CD37: variants seen among roughly 807,000 people sequenced by gnomAD.
The protein encoded by CD37 is leukocyte antigen CD37.
A neutral mutation model predicts 38.9 loss-of-function variants in CD37; 37 were observed. The observed-to-expected ratio is 0.95, with a 90% CI of 0.73 to 1.25. The LOEUF (loss-of-function observed/expected upper bound fraction) is 1.25. Among genes scored for constraint, CD37 ranks in the 50% most tolerant of loss-of-function variants. The pLI is 0.00. For missense variants in CD37, 351 were observed against 360.1 expected (o/e 0.97, Z 0.20); for synonymous variants, 146 against 150.1 (o/e 0.97, Z 0.20).
In CD37 at chr19:49,340,256, G is replaced by A; in HGVS notation, c.774G>A (p.Gly258=). Residue 258 remains glycine, a synonymous_variant, in exon 8 of 8, where the codon GGG becomes GGA. Transcript: ENST00000323906. ...CTCATCTCCTTTCTCTATAGCTCGGGTTCATGACGCTCTCGATATTCCTGT... is the reference window on the plus strand; with the variant it reads ...CTCATCTCCTTTCTCTATAGCTCGGATTCATGACGCTCTCGATATTCCTGT... ...ICLGVGLLEL[G]FMTLSIFLCR... 1 of 1,613,318 alleles carries A rather than the reference G, an allele frequency of 6.2e-7. No individual in the cohort carries two copies. Among genetic ancestry groups the A allele is most frequent in the Admixed American group, 1.7e-5 (1 of 60,000 alleles).
Position 49,340,309 on chromosome 19 carries a change from G to A in CD37, c.827G>A (p.Arg276Gln), listed in dbSNP as rs200341521. The change falls in exon 8 of 8, where the codon CGG becomes CAG. Residue 276 changes from arginine to glutamine, a missense_variant. Transcript: ENST00000323906. Reference protein sequence around the residue: ...LCRNLDHVYNRLARYR With the variant: ...LCRNLDHVYNQLARYR ...AGAAACCTGGACCACGTCTACAACC[G>A]GCTCGCTCGATACCGTTAGGCCCCG... The A allele has an allele frequency of 9.7e-5, 157 of 1,613,488 alleles. No individual in the cohort carries two copies. In the Middle Eastern group the frequency reaches 9.9e-4, roughly 10 times the overall value.
intron 4 of CD37, among the ~76,000 whole-genome samples, 200 bp downstream of exon 4, chr19:49,337,421 G>GT (rs2146211077): frequency 6.6e-6 from 1 of 152,210 alleles, no homozygotes; most frequent in Non-Finnish European, 1.5e-5. Context: ...GAGTCCAGGA[G>GT]TTTGAGACCA....
Position 49,338,248 on chromosome 19 carries a change from C to T in CD37, c.447+219C>T. On this transcript the variant is annotated intron_variant, in intron 5 of 7. Coordinates refer to ENST00000323906, the MANE Select transcript of CD37 (RefSeq NM_001774.3). The surrounding 1 kb of genome is among the most constrained non-coding windows in gnomAD (Gnocchi z 5.0). ...ACCCTGGCGTGGCTTCGCCATCTAC[C>T]TCGAGAGACTCCGCCCCCGCCCCCG... 7.3e-7 allele frequency: 1 copy of T among 1,364,084 alleles called. No homozygotes were observed. Among genetic ancestry groups the T allele is most frequent in the Non-Finnish European group, 9.6e-7 (1 of 1,039,070 alleles). 84.5% of individuals were successfully genotyped at this position (1,364,084 alleles called of 1,614,324 possible).
At chr19:49,337,795 G>C (rs1172680624) in intron 4 of CD37, 130 bp from the exon 5 acceptor site, 2 of 1,551,272 alleles carry the variant, frequency 1.3e-6, no homozygotes. Context: ...GAAGTACACA[G>C]AGCTAGCCAT....
chr19:49,339,907 G>A lies in CD37; in HGVS notation c.769-344G>A, dbSNP rs1199087939. On this transcript the variant is annotated intron_variant, in intron 7 of 7. Transcript: ENST00000323906. This position sits in a 1 kb window ranked among gnomAD's most constrained non-coding sequence, Gnocchi z 4.5. ...CTGGCCGCTGTGGGTTCAAGACGAGGACCAGCCTGACACTGGAAGTGCGGG... is the reference window on the plus strand; with the variant it reads ...CTGGCCGCTGTGGGTTCAAGACGAGAACCAGCCTGACACTGGAAGTGCGGG... The A allele has an allele frequency of 5.2e-6, 7 of 1,354,344 alleles. No individual in the cohort carries two copies. In the East Asian group the frequency reaches 2.1e-4, roughly 42 times the overall value. The allele number at this position is 1,354,344 out of a possible 1,614,324, so 83.9% of individuals were successfully genotyped here. A position where few individuals can be genotyped will look rare whatever the true frequency, so the allele number is the denominator to read the frequency against.
chr19:49,335,822 C>T lies in CD37; in HGVS notation c.142+36C>T, dbSNP rs773442802. ...CTGGGGCAGGTGGGAGGGCCTCCCC[C>T]AACCCAAGCAACTTCCTGGGGTCTC... On this transcript the variant is annotated intron_variant, in intron 2 of 7. Coordinates refer to ENST00000323906, the MANE Select transcript of CD37 (RefSeq NM_001774.3). The surrounding 1 kb of genome is among the most constrained non-coding windows in gnomAD (Gnocchi z 4.6). The T allele has an allele frequency of 6.5e-7, 1 of 1,530,054 alleles. No homozygotes were observed. The highest frequency in any genetic ancestry group is 1.7e-4 in the Middle Eastern group (1 of 5,882). 94.8% of individuals were successfully genotyped at this position (1,530,054 alleles called of 1,614,324 possible).
chr19:49,336,111 TA>T (rs1970945343), intron 2 of CD37: 2 of 396,384 alleles, frequency 5.0e-6, no homozygotes, highest in South Asian at 8.3e-5. Context: ...AGCAAGGACG[TA>T]AAAGAGCCAA....
At position 49,339,049 on chromosome 19, in the gene CD37, G is replaced by C. The variant is rs59878462; in HGVS notation, c.684+113G>C. 3,169 of 913,232 alleles carry C rather than the reference G, an allele frequency of 3.5e-3. 70 individuals are homozygous for C. In the African/African-American group the frequency reaches 0.046, roughly 13 times the overall value. The allele number at this position is 913,232 out of a possible 1,614,324, so 56.6% of individuals were successfully genotyped here. A position where few individuals can be genotyped will look rare whatever the true frequency, so the allele number is the denominator to read the frequency against. On this transcript the variant is annotated intron_variant, in intron 6 of 7. Transcript: ENST00000323906. This position sits in a 1 kb window ranked among gnomAD's most constrained non-coding sequence, Gnocchi z 4.5. ...GGGCGGGGTCTACGAGAAAAGGAAA[G>C]GTACGGCAGGAGGGGCGGGGCCCTC... is the stretch of plus-strand genomic sequence containing the variant.
At position 49,339,886 on chromosome 19, in the gene CD37, C is replaced by T. The variant is rs534111680; in HGVS notation, c.769-365C>T. ...GCTGCCCATGGCCCTGGGGCTCTGG[C>T]CGCTGTGGGTTCAAGACGAGGACCA... On this transcript the variant is annotated intron_variant, in intron 7 of 7. Coordinates refer to ENST00000323906, the MANE Select transcript of CD37 (RefSeq NM_001774.3). This position sits in a 1 kb window ranked among gnomAD's most constrained non-coding sequence, Gnocchi z 4.5. 2.2e-6 allele frequency: 3 copies of T among 1,341,918 alleles called. No homozygotes were observed. The highest frequency in any genetic ancestry group is 2.9e-4 in the Middle Eastern group (1 of 3,448). 83.1% of individuals were successfully genotyped at this position (1,341,918 alleles called of 1,614,324 possible). A position where few individuals can be genotyped will look rare whatever the true frequency, so the allele number is the denominator to read the frequency against.
chr19:49,338,610 G>C lies in CD37; in HGVS notation c.448-90G>C. ...CCCACCACTTAGTCCCCTGCTCCCC[G>C]ACCTGACCTCATACCCATCACCTTG... On this transcript the variant is annotated intron_variant, in intron 5 of 7. Coordinates refer to ENST00000323906, the MANE Select transcript of CD37 (RefSeq NM_001774.3). This position sits in a 1 kb window ranked among gnomAD's most constrained non-coding sequence, Gnocchi z 5.0. 1.1e-6 allele frequency: 1 copy of C among 936,446 alleles called. No homozygotes were observed. The highest frequency in any genetic ancestry group is 1.7e-6 in the Non-Finnish European group (1 of 588,490). The allele number at this position is 936,446 out of a possible 1,614,324, so 58.0% of individuals were successfully genotyped here.
In CD37 at chr19:49,336,641, T is replaced by C. The variant is rs555248493; in HGVS notation, c.143-268T>C. ...CAAGCCAATGTCACAGAACAAGTGA[T>C]AGGGCTGAAACTACTGGGGACGAGG... On this transcript the variant is annotated intron_variant, in intron 2 of 7. Transcript: ENST00000323906. 1.6e-3 allele frequency: 648 copies of C among 417,402 alleles called. 1 individual carries two copies. The highest frequency in any genetic ancestry group is 2.4e-3 in the South Asian group (78 of 33,170). The allele number at this position is 417,402 out of a possible 1,614,324, so 25.9% of individuals were successfully genotyped here. A position where few individuals can be genotyped will look rare whatever the true frequency, so the allele number is the denominator to read the frequency against.
intron 7 of CD37, 125 bp from the exon 8 acceptor site, chr19:49,340,124 TCC>T (rs773450117): frequency 1.3e-6 from 2 of 1,533,708 alleles, no homozygotes; most frequent in Non-Finnish European, 8.8e-7. Context: ...TTTCTACCTA[TCC>T]CCTTCTCCAG....
chr19:49,338,092 A>G lies in CD37; in HGVS notation c.447+63A>G. 1.3e-6 allele frequency: 2 copies of G among 1,579,742 alleles called. No homozygotes were observed. Among genetic ancestry groups the G allele is most frequent in the East Asian group, 2.3e-5 (1 of 43,372 alleles). On this transcript the variant is annotated intron_variant, in intron 5 of 7. Transcript: ENST00000323906. This position sits in a 1 kb window ranked among gnomAD's most constrained non-coding sequence, Gnocchi z 5.0. ...CGCCTCAGCCCTGTGCTTGGAGGAG[A>G]CTCCACCCCAACGTGGGCCCGACCC...
Position 49,335,720 on chromosome 19 carries a change from G to A in CD37, c.76G>A (p.Gly26Ser), listed in dbSNP as rs774207519. ...CCGCATCTCCTCTCCCCAGGTCCTC[G>A]GCAGCCTGATCTTCTGCTTCGGCAT... Reference protein sequence around the residue: ...FVFNLFFFVLGSLIFCFGIWI... With the variant: ...FVFNLFFFVLSSLIFCFGIWI... The change falls in exon 2 of 8, where the codon GGC (glycine) becomes AGC (serine). Residue 26 changes from glycine to serine, a missense_variant. Coordinates refer to ENST00000323906, the MANE Select transcript of CD37 (RefSeq NM_001774.3). This position sits in a 1 kb window ranked among gnomAD's most constrained non-coding sequence, Gnocchi z 4.6. 24 of 1,613,876 alleles carry A rather than the reference G, an allele frequency of 1.5e-5. No homozygotes were observed. The highest frequency in any genetic ancestry group is 1.7e-5 in the Non-Finnish European group (20 of 1,179,980).
Position 49,339,420 on chromosome 19 carries a change from T to C in CD37, c.768+7T>C, listed in dbSNP as rs1421317069. The stretch of plus-strand genomic sequence containing the variant: ...GGGCGTCGGCCTACTCGAGGTGATC[T>C]GGCCCCGCCCCCACCCGCGATCGGC... On this transcript the variant is annotated splice_region_variant and intron_variant, in intron 7 of 7. Transcript: ENST00000323906. The surrounding 1 kb of genome is among the most constrained non-coding windows in gnomAD (Gnocchi z 4.5). The C allele has an allele frequency of 1.2e-5, 19 of 1,612,624 alleles. No homozygotes were observed. Among genetic ancestry groups the C allele is most frequent in the Non-Finnish European group, 1.6e-5 (19 of 1,178,972 alleles).
chr19:49,340,166 C>T (rs1555780345), intron 7 of CD37, 85 bp from the exon 8 acceptor site: 3 of 1,523,150 alleles, frequency 2.0e-6, no homozygotes, highest in Non-Finnish European at 1.8e-6. Flanking sequence ...CGGCCCCACC[C>T]CTGACCTTTC....
rs750743825 is a variant in CD37, at chr19:49,340,353, C to T, written c.*25C>T. Reference sequence around the variant, plus strand: ...GGCCCCGCCCTCCCCAAAGTCCCGCCCCGCCCCCGTCACGTGCGCTGGGCA... The same window carrying T: ...GGCCCCGCCCTCCCCAAAGTCCCGCTCCGCCCCCGTCACGTGCGCTGGGCA... On this transcript the variant is annotated 3_prime_UTR_variant, in exon 8 of 8. Coordinates refer to ENST00000323906, the MANE Select transcript of CD37 (RefSeq NM_001774.3). The T allele has an allele frequency of 3.4e-5, 51 of 1,507,788 alleles. No individual in the cohort carries two copies. Among genetic ancestry groups the T allele is most frequent in the Non-Finnish European group, 4.5e-5 (49 of 1,084,434 alleles). The allele number at this position is 1,507,788 out of a possible 1,614,324, so 93.4% of individuals were successfully genotyped here.
At position 49,335,704 on chromosome 19, in the gene CD37, C is replaced by T; in HGVS notation, c.70-10C>T. 1 of 1,613,960 alleles carries T rather than the reference C, an allele frequency of 6.2e-7. No individual in the cohort carries two copies. Among genetic ancestry groups the T allele is most frequent in the Non-Finnish European group, 8.5e-7 (1 of 1,179,930 alleles). On this transcript the variant is annotated splice_polypyrimidine_tract_variant and intron_variant, in intron 1 of 7. Transcript: ENST00000323906. This position sits in a 1 kb window ranked among gnomAD's most constrained non-coding sequence, Gnocchi z 4.6. ...TGGCCCACCCCCGTATCCGCATCTC[C>T]TCTCCCCAGGTCCTCGGCAGCCTGA...
At chr19:49,336,074 G>A (rs974628370) in intron 2 of CD37, 4 of 490,754 alleles carry the variant, frequency 8.2e-6, no homozygotes, top group African/African-American at 7.7e-5. Context: ...GGTTCAGAGA[G>A]GGGAAGCCCC....
Sources: allele counts gnomAD v4.1 joint callset (sites outside exome capture counted in the v4.1 genomes callset), GRCh38; gene constraint gnomAD v4.1.1; non-coding constraint Gnocchi (gnomAD v3.1); transcripts MANE v1.5; gene names NCBI Gene and HGNC (gene_info 2026-07-23, HGNC 2026-07-21).